The following RBFOX1 variants were observed in gnomAD, a reference collection of about 807,000 sequenced individuals.
RBFOX1 encodes the protein RNA binding protein fox-1 homolog 1.
In RBFOX1, 8 loss-of-function variants were observed where a neutral mutation model predicts 57.7. The observed-to-expected ratio is 0.14, with a 90% CI of 0.08 to 0.25. The LOEUF (loss-of-function observed/expected upper bound fraction) is 0.25. RBFOX1 is among the 10% of genes least tolerant of loss of function. RBFOX1 has a pLI of 1.00. For missense variants in RBFOX1, 611 were observed against 548.5 expected, an observed-to-expected ratio of 1.11 and a Z score of -1.14; for synonymous variants, 326 against 222.4, an observed-to-expected ratio of 1.47 and a Z score of -4.15.
chr16:5,318,292 C>G (rs1447473313), intron 1 of RBFOX1, among the ~76,000 whole-genome samples: 2 of 152,246 alleles, frequency 1.3e-5, no homozygotes, highest in South Asian at 4.2e-4. Context: ...CCACACCCGG[C>G]TGATTTTTGT....
At chr16:5,838,303 C>A (rs1011326072) in intron 3 of RBFOX1, 9 of 221,476 alleles carry the variant, frequency 4.1e-5, no homozygotes, top group Admixed American at 1.1e-4. Context: ...TGCCTCTTTC[C>A]ACATGTACAC....
chr16:7,035,504 G>C (rs568861112), intron 3 of RBFOX1, among the ~76,000 whole-genome samples: 1 of 152,202 alleles, frequency 6.6e-6, no homozygotes, highest in Non-Finnish European at 1.5e-5. Flanking sequence ...CGCATTTGCA[G>C]AATTTAATTG....
Position 5,758,225 on chromosome 16 carries a change from C to T in RBFOX1, c.319-109078C>T, listed in dbSNP as rs567867587. ...AATGATGCTATTAATCCTACATGTTCTCGATTCTTCACTTTCTTCATGGGG... is the reference window on the plus strand; with the variant it reads ...AATGATGCTATTAATCCTACATGTTTTCGATTCTTCACTTTCTTCATGGGG... On this transcript the variant is annotated intron_variant, in intron 3 of 19. Transcript: ENST00000641259. Among the ~76,000 whole-genome samples the T allele has an allele frequency of 2.6e-5, 4 of 152,208 alleles. No individual in the cohort carries two copies. The South Asian group carries it at 8.3e-4, about 32-fold the overall frequency.
At chr16:5,360,208 G>A (rs1470468966) in intron 1 of RBFOX1, among the ~76,000 whole-genome samples, 1 of 152,218 alleles carries the variant, frequency 6.6e-6, no homozygotes, top group African/African-American at 2.4e-5. Context: ...CCTGGGCAGA[G>A]TTCTGCCTGG....
chr16:7,559,180 T>A (rs1364723671), intron 5 of RBFOX1, among the ~76,000 whole-genome samples: 1 of 152,206 alleles, frequency 6.6e-6, no homozygotes, highest in Non-Finnish European at 1.5e-5. Flanking sequence ...AGTAGGTTTG[T>A]AATCTCAAAT....
chr16:7,358,181 C>T (rs781214123), intron 4 of RBFOX1, among the ~76,000 whole-genome samples: 1 of 152,180 alleles, frequency 6.6e-6, no homozygotes, highest in Non-Finnish European at 1.5e-5. Flanking sequence ...ATTGGATATG[C>T]AGAAGCTGTC....
chr16:5,563,408 C>T (rs2045955027), intron 2 of RBFOX1, among the ~76,000 whole-genome samples: 1 of 152,164 alleles, frequency 6.6e-6, no homozygotes, highest in Non-Finnish European at 1.5e-5. Context: ...TCGTTATCTA[C>T]TGAACTACAA....
intron 4 of RBFOX1, among the ~76,000 whole-genome samples, chr16:7,225,281 A>T (rs11077155): frequency 0.28 from 42,003 of 151,856 alleles, 7,448 homozygotes; most frequent in East Asian, 0.66. Flanking sequence ...CATAATTCCT[A>T]CGTGTTGTGG....
chr16:5,639,564 T>C (rs1367473852), intron 3 of RBFOX1, among the ~76,000 whole-genome samples: 1 of 152,092 alleles, frequency 6.6e-6, no homozygotes, highest in Non-Finnish European at 1.5e-5. Flanking sequence ...AAGAAGTGTG[T>C]TTGCCACACT....
At chr16:6,605,582 T>C (rs897956092) in intron 2 of RBFOX1, among the ~76,000 whole-genome samples, 3 of 152,202 alleles carry the variant, frequency 2.0e-5, no homozygotes, top group African/African-American at 4.8e-5. Flanking sequence ...CTCTCATTTT[T>C]ACTTGTGCTG....
At chr16:7,300,762 A>G (rs1197919387) in intron 4 of RBFOX1, among the ~76,000 whole-genome samples, 2 of 152,340 alleles carry the variant, frequency 1.3e-5, no homozygotes, top group African/African-American at 4.8e-5. Flanking sequence ...ATATTATTTT[A>G]TGAGTCAAAT....
intron 3 of RBFOX1, among the ~76,000 whole-genome samples, chr16:5,695,502 G>A (rs1054798001): frequency 3.9e-4 from 60 of 152,310 alleles, no homozygotes; most frequent in Admixed American, 2.9e-3. Context: ...TAGGTGAAAG[G>A]TGGATGGGGA....
rs180931362 is a variant in RBFOX1 at position 5,368,002 on chromosome 16, C to T, written c.220-99214C>T. Among the ~76,000 whole-genome samples, 52 of 152,298 alleles carry T rather than the reference C, an allele frequency of 3.4e-4. 1 individual carries two copies. The East Asian group carries it at 6.0e-3, about 17-fold the overall frequency. ...AGACGTTATGGGTTCCACGGGGGTTCTTCTTAAGCAAGGAGGATCATTAAG... is the reference window on the plus strand; with the variant it reads ...AGACGTTATGGGTTCCACGGGGGTTTTTCTTAAGCAAGGAGGATCATTAAG... On this transcript the variant is annotated intron_variant, in intron 1 of 2. Transcript: ENST00000585867.
chr16:6,819,058 C>G (rs9936855), intron 3 of RBFOX1, among the ~76,000 whole-genome samples: 2,245 of 152,296 alleles, frequency 0.015, 53 homozygotes, highest in African/African-American at 0.051. Context: ...GTATAAGCGA[C>G]TTGAATGAGT....
chr16:6,943,915 G>C (rs1202570516), intron 3 of RBFOX1, among the ~76,000 whole-genome samples: 1 of 151,994 alleles, frequency 6.6e-6, no homozygotes, highest in Admixed American at 6.6e-5. Context: ...CTATAAATTT[G>C]TTCTGACCAT....
At chr16:5,282,982 G>A (rs1383895398) in intron 1 of RBFOX1, among the ~76,000 whole-genome samples, 1 of 152,192 alleles carries the variant, frequency 6.6e-6, no homozygotes, top group East Asian at 1.9e-4. Flanking sequence ...AGAAAAGATG[G>A]TTTTGTGGGC....
At position 7,475,465 on chromosome 16, in the gene RBFOX1, C is replaced by G. The variant is rs546479267; in HGVS notation, c.28-42682C>G. 6.4e-4 allele frequency among the ~76,000 whole-genome samples: 98 copies of G among 152,168 alleles called. 1 individual carries two copies. Among genetic ancestry groups the G allele is most frequent in the Non-Finnish European group, 1.6e-4 (11 of 67,996 alleles). ...GAGTAGCTGGGACTGCAGGCGCATG[C>G]CACCACACCTGGCTAACTTTTTGTA... On this transcript the variant is annotated intron_variant, in intron 4 of 15. Coordinates refer to ENST00000550418, the MANE Select transcript of RBFOX1 (RefSeq NM_018723.4).
chr16:6,709,764 A>G lies in RBFOX1; in HGVS notation c.-16+55114A>G, dbSNP rs1346224288. On this transcript the variant is annotated intron_variant, in intron 3 of 15. Coordinates refer to ENST00000550418, the MANE Select transcript of RBFOX1 (RefSeq NM_018723.4). ...TAAGTGTGGGTTTGATTCCCTCTAA[A>G]CTCGCTCAGCCCAGGAGATACTGCG... 2.6e-5 allele frequency among the ~76,000 whole-genome samples: 4 copies of G among 151,890 alleles called. No individual in the cohort carries two copies. In the South Asian group the frequency reaches 8.4e-4, roughly 32 times the overall value.
intron 2 of RBFOX1, among the ~76,000 whole-genome samples, chr16:5,484,044 A>C (rs867422854): frequency 1.5e-4 from 23 of 152,144 alleles, no homozygotes; most frequent in African/African-American, 5.1e-4. Flanking sequence ...GGTGGTGTGT[A>C]CCTATAGTCC....
Sources: gnomAD v4.1 joint callset for allele counts (sites outside exome capture counted in the v4.1 genomes callset) on GRCh38, gnomAD v4.1.1 for gene constraint, MANE v1.5 for transcripts, NCBI Gene and HGNC (gene_info 2026-07-23, HGNC 2026-07-21) for gene names.